The following SGCZ variants were observed in gnomAD, a reference collection of about 807,000 sequenced individuals.
SGCZ encodes zeta-sarcoglycan.
Under a neutral mutation model 41.3 loss-of-function variants are expected in SGCZ, and 40 were observed. That is an observed-to-expected ratio of 0.97 (90% CI 0.75 to 1.26). SGCZ has a LOEUF of 1.26. SGCZ is among the 50% of genes most tolerant of loss of function. SGCZ has a pLI of 0.00. For missense variants in SGCZ, 552 were observed against 369.8 expected (o/e 1.49, Z -4.04); for synonymous variants, 206 against 137.5 (o/e 1.50, Z -3.49).
intron 4 of SGCZ, among the ~76,000 whole-genome samples, chr8:14,180,933 A>G (rs1419780277): frequency 6.6e-6 from 1 of 151,858 alleles, no homozygotes; most frequent in East Asian, 1.9e-4. Flanking sequence ...GGTTCCAGCT[A>G]TACTTGATAG....
intron 4 of SGCZ, among the ~76,000 whole-genome samples, chr8:14,173,014 G>A (rs752964934): frequency 2.6e-5 from 4 of 152,070 alleles, no homozygotes; most frequent in Non-Finnish European, 5.9e-5. Flanking sequence ...TAAGCACCCT[G>A]GACATGAAGT....
At chr8:14,495,411 G>A (rs146622351) in intron 2 of SGCZ, among the ~76,000 whole-genome samples, 232 of 152,154 alleles carry the variant, frequency 1.5e-3, no homozygotes, top group African/African-American at 5.3e-3. Flanking sequence ...AGCAGTTTAC[G>A]GACCAAACAC....
intron 1 of SGCZ, among the ~76,000 whole-genome samples, chr8:15,212,441 T>C (rs938787516): frequency 1.3e-5 from 2 of 152,116 alleles, no homozygotes; most frequent in African/African-American, 4.8e-5. Context: ...TTTCAAGGCG[T>C]CTTGCAGAGT....
At chr8:14,928,753 T>C (rs559441583) in intron 1 of SGCZ, among the ~76,000 whole-genome samples, 2 of 152,298 alleles carry the variant, frequency 1.3e-5, no homozygotes, top group East Asian at 3.9e-4. Context: ...ATAACAGATT[T>C]GAAGGTATTT....
intron 2 of SGCZ, among the ~76,000 whole-genome samples, chr8:14,389,460 C>A: frequency 6.9e-6 from 1 of 145,766 alleles, no homozygotes; most frequent in South Asian, 2.1e-4. Flanking sequence ...GAGAAAATCA[C>A]AAACTAACCT....
intron 1 of SGCZ, among the ~76,000 whole-genome samples, chr8:14,701,300 T>C (rs1451357391): frequency 6.6e-6 from 1 of 151,998 alleles, no homozygotes; most frequent in Non-Finnish European, 1.5e-5. Flanking sequence ...TGGAAAAATT[T>C]ATAAAACTTA....
At chr8:14,924,430 G>T (rs1282160761) in intron 1 of SGCZ, among the ~76,000 whole-genome samples, 1 of 151,892 alleles carries the variant, frequency 6.6e-6, no homozygotes, top group East Asian at 1.9e-4. Flanking sequence ...CAACTATAAG[G>T]ATATTACAGA....
chr8:14,188,675 G>A (rs527922570), intron 4 of SGCZ, among the ~76,000 whole-genome samples: 1 of 152,058 alleles, frequency 6.6e-6, no homozygotes, highest in Non-Finnish European at 1.5e-5. Flanking sequence ...CATTTAAATG[G>A]ATGAATTGTA....
chr8:14,293,963 A>C (rs986811578), intron 3 of SGCZ, among the ~76,000 whole-genome samples: 5 of 151,800 alleles, frequency 3.3e-5, no homozygotes, highest in African/African-American at 9.7e-5. Flanking sequence ...TATCTCTAAA[A>C]ACTGGATCAA....
At chr8:14,194,840 A>T (rs1205022243) in intron 4 of SGCZ, among the ~76,000 whole-genome samples, 1 of 151,932 alleles carries the variant, frequency 6.6e-6, no homozygotes, top group Non-Finnish European at 1.5e-5. Context: ...AAAAGCTCAT[A>T]GGCCATGGGG....
chr8:14,583,074 G>T (rs1157126363), intron 1 of SGCZ, among the ~76,000 whole-genome samples: 1 of 149,936 alleles, frequency 6.7e-6, no homozygotes, highest in African/African-American at 2.4e-5. Context: ...GATCCCTGAG[G>T]AATCGCCACA....
chr8:15,211,819 A>T (rs184983950), intron 1 of SGCZ, among the ~76,000 whole-genome samples: 123 of 152,264 alleles, frequency 8.1e-4, no homozygotes, highest in Non-Finnish European at 1.5e-3. Context: ...TAGTAGGATG[A>T]ATTATATAGG....
intron 2 of SGCZ, among the ~76,000 whole-genome samples, chr8:14,536,009 A>T (rs2117137728): frequency 6.6e-6 from 1 of 151,986 alleles, no homozygotes; most frequent in African/African-American, 2.4e-5. Context: ...TTAGGTGGTA[A>T]ATGAGAGCTT....
chr8:14,803,268 C>T (rs1040692558), intron 1 of SGCZ, among the ~76,000 whole-genome samples: 3 of 152,126 alleles, frequency 2.0e-5, no homozygotes, highest in Non-Finnish European at 4.4e-5. Context: ...CAGCTCCCAG[C>T]GTGAGCGACG....
At chr8:14,880,076 G>C (rs1020896091) in intron 1 of SGCZ, among the ~76,000 whole-genome samples, 1 of 152,172 alleles carries the variant, frequency 6.6e-6, no homozygotes, top group Non-Finnish European at 1.5e-5. Flanking sequence ...CCTGATCTCA[G>C]GTAATCTGCC....
At chr8:14,289,343 T>C (rs933031278) in intron 3 of SGCZ, among the ~76,000 whole-genome samples, 3 of 152,204 alleles carry the variant, frequency 2.0e-5, no homozygotes, top group Middle Eastern at 3.4e-3. Context: ...GAAACCATTG[T>C]CAAATCCAAA....
At chr8:14,239,095 A>C (rs1451318167) in intron 3 of SGCZ, among the ~76,000 whole-genome samples, 1 of 152,080 alleles carries the variant, frequency 6.6e-6, no homozygotes, top group Non-Finnish European at 1.5e-5. Context: ...TAAAATATTT[A>C]AAATTAATTA....
intron 2 of SGCZ, among the ~76,000 whole-genome samples, chr8:14,455,539 C>T (rs1800718192): frequency 6.6e-6 from 1 of 151,820 alleles, no homozygotes; most frequent in African/African-American, 2.4e-5. Flanking sequence ...AATACACAGA[C>T]AGATTAGGTA....
intron 1 of SGCZ, among the ~76,000 whole-genome samples, chr8:14,567,582 G>A (rs936579387): frequency 6.6e-6 from 1 of 152,188 alleles, no homozygotes; most frequent in Admixed American, 6.5e-5. Flanking sequence ...GGCTAGATAA[G>A]AGAATAAAAG....
Sources: gnomAD v4.1 joint callset for allele counts (sites outside exome capture counted in the v4.1 genomes callset) on GRCh38, gnomAD v4.1.1 for gene constraint, MANE v1.5 for transcripts, NCBI Gene and HGNC (gene_info 2026-07-23, HGNC 2026-07-21) for gene names.